The following CLSTN2 variants were observed in gnomAD, a reference collection of about 807,000 sequenced individuals.
The protein encoded by CLSTN2 is calsyntenin-2.
A neutral mutation model predicts 101.2 loss-of-function variants in CLSTN2; 48 were observed. The observed-to-expected ratio is 0.47, with a 90% CI of 0.38 to 0.60. CLSTN2 has a LOEUF of 0.60. Among genes scored for constraint, CLSTN2 ranks in the 20% least tolerant of loss-of-function variants. The pLI is 0.00. For synonymous variants in CLSTN2, 481 were observed against 463.6 expected (o/e 1.04, Z -0.48); for missense variants, 1,160 against 1,238.2 (o/e 0.94, Z 0.95).
At chr3:139,968,365 C>A (rs1034982948) in intron 1 of CLSTN2, among the ~76,000 whole-genome samples, 1 of 152,162 alleles carries the variant, frequency 6.6e-6, no homozygotes, top group East Asian at 1.9e-4. Flanking sequence ...TGATTGAAGA[C>A]CCCTGTCATA....
chr3:140,386,089 T>G (rs768493279), intron 2 of CLSTN2, among the ~76,000 whole-genome samples: 9 of 152,224 alleles, frequency 5.9e-5, no homozygotes, highest in Non-Finnish European at 1.2e-4. Context: ...TACTATGTAC[T>G]TTCTTCATGC....
intron 5 of CLSTN2, among the ~76,000 whole-genome samples, chr3:140,428,991 T>C (rs2088601189): frequency 6.6e-6 from 1 of 152,160 alleles, no homozygotes; most frequent in Admixed American, 6.5e-5. Flanking sequence ...TTCCATCAAC[T>C]TCACTTTGAC....
At chr3:140,250,486 A>T (rs987777761) in intron 2 of CLSTN2, among the ~76,000 whole-genome samples, 4 of 152,204 alleles carry the variant, frequency 2.6e-5, no homozygotes, top group African/African-American at 9.6e-5. Flanking sequence ...TGAAGTTTTC[A>T]TAGGGAAAAA....
intron 8 of CLSTN2, among the ~76,000 whole-genome samples, chr3:140,490,018 G>A (rs1449258709): frequency 0.15 from 55 of 370 alleles, no homozygotes; most frequent in East Asian, 0.5. Flanking sequence ...GTACATGTGT[G>A]TGTGTGTGTG....
At chr3:140,350,536 G>A (rs1368659167) in intron 2 of CLSTN2, among the ~76,000 whole-genome samples, 1 of 152,154 alleles carries the variant, frequency 6.6e-6, no homozygotes. Context: ...ACTAAATAAT[G>A]AGCATACCAA....
intron 2 of CLSTN2, among the ~76,000 whole-genome samples, chr3:140,328,739 A>G (rs554382543): frequency 6.6e-6 from 1 of 152,274 alleles, no homozygotes; most frequent in African/African-American, 2.4e-5. Flanking sequence ...CCAGTTACTT[A>G]ACTTCTCCCT....
chr3:140,331,930 C>T (rs2087387374), intron 2 of CLSTN2, among the ~76,000 whole-genome samples: 1 of 152,192 alleles, frequency 6.6e-6, no homozygotes, highest in Non-Finnish European at 1.5e-5. Context: ...TCCATCCATC[C>T]ATTCATTTGT....
intron 2 of CLSTN2, among the ~76,000 whole-genome samples, chr3:140,323,111 G>T (rs1168189169): frequency 1.3e-5 from 2 of 152,222 alleles, no homozygotes; most frequent in African/African-American, 4.8e-5. Flanking sequence ...GGGGACTAAA[G>T]AAAGAAAGCC....
intron 2 of CLSTN2, among the ~76,000 whole-genome samples, chr3:140,387,055 C>T (rs1225146289): frequency 2.0e-5 from 3 of 152,148 alleles, no homozygotes; most frequent in Admixed American, 6.5e-5. Flanking sequence ...TAAGGCATAA[C>T]TTAACATAGG....
intron 1 of CLSTN2, among the ~76,000 whole-genome samples, chr3:139,948,142 G>A (rs1202560437): frequency 1.3e-5 from 2 of 151,960 alleles, no homozygotes; most frequent in Admixed American, 6.6e-5. Flanking sequence ...TTCTCTGCTT[G>A]TCCTTGGTAG....
chr3:140,017,380 A>G (rs1036885595), intron 1 of CLSTN2, among the ~76,000 whole-genome samples: 7 of 152,180 alleles, frequency 4.6e-5, no homozygotes, highest in African/African-American at 1.7e-4. Context: ...AGCAAGGAGA[A>G]TGGGTTGGAT....
chr3:140,546,393 G>T, intron 9 of CLSTN2, 122 bp from the exon 10 acceptor site: 1 of 965,034 alleles, frequency 1.0e-6, no homozygotes, highest in Non-Finnish European at 1.5e-6. Context: ...CACTCAGAAG[G>T]AAAAGCTCAG....
chr3:140,087,796 T>A (rs986760845), intron 1 of CLSTN2, among the ~76,000 whole-genome samples: 2 of 152,238 alleles, frequency 1.3e-5, no homozygotes, highest in Admixed American at 6.5e-5. Flanking sequence ...GAGGTGAATT[T>A]TGAGTTAAGT....
chr3:140,497,325 G>A (rs993713183), intron 8 of CLSTN2, among the ~76,000 whole-genome samples: 12 of 152,296 alleles, frequency 7.9e-5, no homozygotes, highest in Admixed American at 6.5e-4. Context: ...TGGAGTAGCT[G>A]ATATTCTTGC....
At chr3:140,176,181 C>T in intron 2 of CLSTN2, 108 bp downstream of exon 2, 2 of 1,217,354 alleles carry the variant, frequency 1.6e-6, no homozygotes, top group Non-Finnish European at 2.3e-6. Flanking sequence ...CCACCCTGTG[C>T]ATCTCTAGAT....
At chr3:140,239,756 T>G (rs1470866061) in intron 2 of CLSTN2, among the ~76,000 whole-genome samples, 1 of 152,122 alleles carries the variant, frequency 6.6e-6, no homozygotes, top group African/African-American at 2.4e-5. Flanking sequence ...CAATTACAAC[T>G]ACGTCATGAC....
intron 2 of CLSTN2, among the ~76,000 whole-genome samples, chr3:140,272,280 T>A (rs968888294): frequency 3.3e-5 from 5 of 152,216 alleles, no homozygotes; most frequent in African/African-American, 1.2e-4. Context: ...TACCTATGAT[T>A]GCTGGCTGCC....
intron 8 of CLSTN2, among the ~76,000 whole-genome samples, chr3:140,470,449 C>T (rs1017846042): frequency 3.3e-5 from 5 of 152,088 alleles, no homozygotes; most frequent in African/African-American, 1.2e-4. Context: ...TGGTGCAGGG[C>T]AGGGCAGCCT....
intron 1 of CLSTN2, among the ~76,000 whole-genome samples, chr3:140,041,996 A>G (rs1383332654): frequency 1.3e-5 from 2 of 152,190 alleles, no homozygotes; most frequent in Admixed American, 6.5e-5. Flanking sequence ...GCTGTATAAT[A>G]TATATCTCAG....
Sources: allele counts gnomAD v4.1 joint callset (sites outside exome capture counted in the v4.1 genomes callset), GRCh38; gene constraint gnomAD v4.1.1; transcripts MANE v1.5; gene names NCBI Gene and HGNC (gene_info 2026-07-23, HGNC 2026-07-21).